Variants in CHKA observed in about 807,000 individuals in gnomAD.
CHKA encodes choline kinase alpha.
In CHKA, 34 loss-of-function variants were observed where a neutral mutation model predicts 60.1. The observed-to-expected ratio is 0.57, with a 90% CI of 0.43 to 0.75. CHKA has a LOEUF of 0.75. CHKA is among the 30% of genes least tolerant of loss of function. The probability of loss-of-function intolerance (pLI) is 0.00; values close to 1 mark genes in which losing one functional copy is unlikely to be tolerated. For synonymous variants in CHKA, 217 were observed against 223.1 expected (o/e 0.97, Z 0.24); for missense variants, 563 against 561.3 (o/e 1.00, Z -0.03).
At chr11:68,071,950 C>G (rs775856490) in intron 4 of CHKA, among the ~76,000 whole-genome samples, 1 of 152,188 alleles carries the variant, frequency 6.6e-6, no homozygotes, top group Admixed American at 6.5e-5. Context: ...ACTGTCACCA[C>G]AGCACTGTCA....
chr11:68,109,722 C>G (rs1177790356), intron 1 of CHKA, among the ~76,000 whole-genome samples: 2 of 152,134 alleles, frequency 1.3e-5, no homozygotes, highest in African/African-American at 4.8e-5. Flanking sequence ...GAGGCCAAGG[C>G]AGGTGGACCA....
At chr11:68,056,851 A>C (rs1856037318) in intron 11 of CHKA, among the ~76,000 whole-genome samples, 1 of 152,202 alleles carries the variant, frequency 6.6e-6, no homozygotes, top group Non-Finnish European at 1.5e-5. Flanking sequence ...CTTAAAAAAA[A>C]AAAAGTAATA....
intron 2 of CHKA, among the ~76,000 whole-genome samples, chr11:68,093,708 T>C (rs149244786): frequency 9.7e-4 from 147 of 152,308 alleles, no homozygotes; most frequent in African/African-American, 3.5e-3. Flanking sequence ...GAATCTTTAT[T>C]AGAGGAAGGC....
chr11:68,085,685 A>G (rs939800826), intron 2 of CHKA, among the ~76,000 whole-genome samples: 3 of 152,224 alleles, frequency 2.0e-5, no homozygotes, highest in African/African-American at 7.2e-5. Flanking sequence ...TATTTTTATA[A>G]TAAATACATT....
At chr11:68,109,080 CTTTTCCTTTTTTT>C (rs1426779070) in intron 1 of CHKA, among the ~76,000 whole-genome samples, 269 of 143,248 alleles carry the variant, frequency 1.9e-3, no homozygotes, top group Non-Finnish European at 3.3e-3. Flanking sequence ...TTCCTTTTTT[CTTTTCCTTTTTTT>C]TTTTTTTTTT....
intron 1 of CHKA, among the ~76,000 whole-genome samples, chr11:68,108,651 A>G (rs1351483719): frequency 5.9e-5 from 9 of 152,076 alleles, no homozygotes; most frequent in African/African-American, 9.7e-5. Flanking sequence ...GGCTGAGGCA[A>G]GAGAATGGCG....
intron 1 of CHKA, among the ~76,000 whole-genome samples, chr11:68,097,360 C>G (rs1414362149): frequency 1.3e-5 from 2 of 152,154 alleles, no homozygotes; most frequent in Admixed American, 1.3e-4. Context: ...GTGGGCCGGG[C>G]ACGGTGGCTC....
Position 68,093,385 on chromosome 11 carries a change from T to A in CHKA, c.462+3634A>T, listed in dbSNP as rs79622685. 1.7e-4 allele frequency among the ~76,000 whole-genome samples: 26 copies of A among 152,328 alleles called. No individual in the cohort carries two copies. The East Asian group carries it at 5.0e-3, about 29-fold the overall frequency. Reference sequence around the variant, plus strand: ...ATAGCTTCAGGAATGGAAACTCATTTAACATTTGCCTAATAAAAATATAAC... The same window carrying A: ...ATAGCTTCAGGAATGGAAACTCATTAAACATTTGCCTAATAAAAATATAAC... On this transcript the variant is annotated intron_variant, in intron 2 of 11. Transcript: ENST00000265689.
chr11:68,095,222 G>A (rs1316729866), intron 2 of CHKA, among the ~76,000 whole-genome samples: 1 of 151,506 alleles, frequency 6.6e-6, no homozygotes, highest in Non-Finnish European at 1.5e-5. Flanking sequence ...GGCTAACATG[G>A]TGAAACCTCA....
At chr11:68,054,175 T>C in intron 11 of CHKA, 128 bp from the exon 12 acceptor site, 3 of 750,650 alleles carry the variant, frequency 4.0e-6, no homozygotes, top group South Asian at 1.7e-5. Context: ...AGCACAGGAC[T>C]GGCCTGTGCA....
At position 68,081,015 on chromosome 11, in the gene CHKA, C is replaced by T. The variant is rs1590853848; in HGVS notation, c.516+389G>A. On this transcript the variant is annotated intron_variant, in intron 3 of 11. Transcript: ENST00000265689. Reference sequence around the variant, plus strand: ...ATGGGTGGCCACCAAAACCACTGGGCAGTGACCCGCTTCCTGATGGGAAGT... The same window carrying T: ...ATGGGTGGCCACCAAAACCACTGGGTAGTGACCCGCTTCCTGATGGGAAGT... Among the ~76,000 whole-genome samples, 7 of 152,344 alleles carry T rather than the reference C, an allele frequency of 4.6e-5. 1 individual carries two copies. The highest frequency in any genetic ancestry group is 4.6e-4 in the Admixed American group (7 of 15,304).
chr11:68,098,271 C>CAAAAAAAAAAAAAAAAAA (rs57972693), intron 1 of CHKA, among the ~76,000 whole-genome samples: 3 of 120,732 alleles, frequency 2.5e-5, no homozygotes, highest in Non-Finnish European at 3.4e-5. Flanking sequence ...ACTCCTATCT[C>CAAAAAAAAAAAAAAAAAA]AAAAAAAAAA....
At chr11:68,062,334 A>C (rs1707457274) in intron 10 of CHKA, among the ~76,000 whole-genome samples, 1 of 152,240 alleles carries the variant, frequency 6.6e-6, no homozygotes, top group Admixed American at 6.5e-5. Flanking sequence ...GAATATATTC[A>C]CATTCACAGG....
chr11:68,079,315 T>C (rs1455796809), intron 3 of CHKA, among the ~76,000 whole-genome samples: 2 of 151,552 alleles, frequency 1.3e-5, no homozygotes, highest in African/African-American at 4.9e-5. Flanking sequence ...GAGGGGTGCA[T>C]GGGAAATCTC....
At chr11:68,074,908 T>A (rs1856738449) in intron 3 of CHKA, 78 bp from the exon 4 acceptor site, 1 of 1,229,164 alleles carries the variant, frequency 8.1e-7, no homozygotes. Flanking sequence ...CTCACAGGAG[T>A]GTTTCATCTG....
rs755447722 is a variant in CHKA, at chr11:68,074,384, G to A, written c.630+333C>T. Reference sequence around the variant, plus strand: ...GTCAGAGACTGAGCAGGGCCAAGGTGTTCTAGCAGCAAGTTCTATAAAGCA... The same window carrying A: ...GTCAGAGACTGAGCAGGGCCAAGGTATTCTAGCAGCAAGTTCTATAAAGCA... On this transcript the variant is annotated intron_variant, in intron 4 of 11. Transcript: ENST00000265689. 3.3e-5 allele frequency among the ~76,000 whole-genome samples: 5 copies of A among 152,150 alleles called. No homozygotes were observed. In the East Asian group the frequency reaches 9.6e-4, roughly 29 times the overall value.
rs1278117716 is a variant in CHKA at position 68,081,453 on chromosome 11, G to C, written c.467C>G (p.Ser156Cys). 2 of 1,612,654 alleles carry C rather than the reference G, an allele frequency of 1.2e-6. No individual in the cohort carries two copies. The highest frequency in any genetic ancestry group is 1.7e-6 in the Non-Finnish European group (2 of 1,178,822). Residue 156 changes from serine (S) to cysteine (C), a missense_variant, in exon 3 of 12, where the codon TCC becomes TGC. Coordinates refer to ENST00000265689, the MANE Select transcript of CHKA (RefSeq NM_001277.3). ...RLYGAILQMR[S>C]CNKEGSEQAQ... Reference sequence around the variant, plus strand: ...TTGTTCGGATCCCTCTTTATTACAGGACCTCTATGAATGAGAAAAAGGAAA... The same window carrying C: ...TTGTTCGGATCCCTCTTTATTACAGCACCTCTATGAATGAGAAAAAGGAAA...
intron 1 of CHKA, among the ~76,000 whole-genome samples, chr11:68,109,932 A>G (rs1325185546): frequency 6.6e-6 from 1 of 152,204 alleles, no homozygotes; most frequent in African/African-American, 2.4e-5. Flanking sequence ...AGTGTGGGTG[A>G]CAGAGCGAGA....
At chr11:68,075,308 T>G (rs1326946453) in intron 3 of CHKA, among the ~76,000 whole-genome samples, 1 of 151,882 alleles carries the variant, frequency 6.6e-6, no homozygotes, top group Non-Finnish European at 1.5e-5. Flanking sequence ...AGCTTGAAAA[T>G]TACTGATTTA....
Sources: gnomAD v4.1 joint callset for allele counts (sites outside exome capture counted in the v4.1 genomes callset) on GRCh38, gnomAD v4.1.1 for gene constraint, MANE v1.5 for transcripts, NCBI Gene and HGNC (gene_info 2026-07-23, HGNC 2026-07-21) for gene names.